Variants in LPP observed in about 807,000 individuals in gnomAD.
LPP encodes the protein lipoma-preferred partner.
In LPP, 38 loss-of-function variants were observed where a neutral mutation model predicts 60.4. The ratio of observed to expected loss-of-function variants is 0.63; its 90% CI spans 0.49 to 0.83. The LOEUF is 0.83. Ranked by LOEUF, LPP falls within the 40% of genes least tolerant of loss-of-function variation. The pLI is 0.00. For missense variants in LPP, 902 were observed against 783.6 expected (o/e 1.15, Z -1.80); for synonymous variants, 328 against 290.8 (o/e 1.13, Z -1.30).
chr3:188,564,027 T>G (rs950492199), intron 6 of LPP, among the ~76,000 whole-genome samples: 1 of 151,976 alleles, frequency 6.6e-6, no homozygotes, highest in Non-Finnish European at 1.5e-5. Context: ...TTCGCTGAGA[T>G]AGAATAAGGT....
chr3:188,772,323 T>A (rs1309986528), intron 9 of LPP, among the ~76,000 whole-genome samples: 1 of 152,136 alleles, frequency 6.6e-6, no homozygotes, highest in Admixed American at 6.5e-5. Context: ...CTTAACCAAC[T>A]AGATGTAACC....
intron 7 of LPP, among the ~76,000 whole-genome samples, chr3:188,670,625 T>A (rs1332889931): frequency 6.6e-6 from 1 of 152,176 alleles, no homozygotes; most frequent in South Asian, 2.1e-4. Flanking sequence ...TAAACTCACC[T>A]CCACGTTGGC....
Position 188,879,880 on chromosome 3 carries a change from T to A in LPP, c.*5401T>A, listed in dbSNP as rs1769726022. ...TTAGATCACAGACTACAGGCAGAATTTCCCTTCAATCCAGAAAAAAGGACA... is the reference window on the plus strand; with the variant it reads ...TTAGATCACAGACTACAGGCAGAATATCCCTTCAATCCAGAAAAAAGGACA... On this transcript the variant is annotated 3_prime_UTR_variant, in exon 12 of 12. Transcript: ENST00000617246. The A allele has an allele frequency of 5.5e-6, 1 of 181,868 alleles. No homozygotes were observed. The highest frequency in any genetic ancestry group is 1.2e-5 in the Non-Finnish European group (1 of 85,280). The allele number at this position is 181,868 out of a possible 1,614,324, so 11.3% of individuals were successfully genotyped here.
intron 3 of LPP, among the ~76,000 whole-genome samples, chr3:188,405,848 A>G (rs1172125290): frequency 2.0e-5 from 3 of 150,946 alleles, no homozygotes; most frequent in African/African-American, 7.3e-5. Context: ...TTCAAGTTTG[A>G]GGCAGTGTTC....
At chr3:188,356,224 G>A (rs1767571263) in intron 3 of LPP, among the ~76,000 whole-genome samples, 2 of 152,096 alleles carry the variant, frequency 1.3e-5, no homozygotes, top group Non-Finnish European at 2.9e-5. Context: ...CCTACTAAAA[G>A]GGCAGAGTCT....
intron 9 of LPP, among the ~76,000 whole-genome samples, chr3:188,812,924 C>T (rs1751467465): frequency 6.6e-6 from 1 of 151,748 alleles, no homozygotes; most frequent in Admixed American, 6.6e-5. Context: ...TAGCTTTTCT[C>T]CTTAAAAAGT....
At chr3:188,365,039 A>T (rs948631053) in intron 3 of LPP, among the ~76,000 whole-genome samples, 2 of 152,182 alleles carry the variant, frequency 1.3e-5, no homozygotes, top group African/African-American at 4.8e-5. Flanking sequence ...AGCACTAAAC[A>T]GAGGGCTAAT....
At position 188,374,965 on chromosome 3, in the gene LPP, C is replaced by T. The variant is rs527687449; in HGVS notation, c.-9-31147C>T. Among the ~76,000 whole-genome samples the T allele has an allele frequency of 3.7e-3, 562 of 152,230 alleles. 1 individual carries two copies. The highest frequency in any genetic ancestry group is 6.8e-3 in the Middle Eastern group (2 of 294). On this transcript the variant is annotated intron_variant, in intron 3 of 11. Coordinates refer to ENST00000617246, the MANE Select transcript of LPP (RefSeq NM_001375462.1). ...CCTTTTCTGCATCTATTGAGATAATCATGTGGTTTTTGTCTTTGGTTCTGT... is the reference window on the plus strand; with the variant it reads ...CCTTTTCTGCATCTATTGAGATAATTATGTGGTTTTTGTCTTTGGTTCTGT...
chr3:188,653,526 G>A (rs879783042), intron 7 of LPP, among the ~76,000 whole-genome samples: 1 of 151,972 alleles, frequency 6.6e-6, no homozygotes, highest in Admixed American at 6.6e-5. Context: ...AGAAACTCTT[G>A]GACTGAAGTC....
chr3:188,843,384 C>T (rs1231127163), intron 9 of LPP, among the ~76,000 whole-genome samples: 4 of 152,174 alleles, frequency 2.6e-5, no homozygotes, highest in Non-Finnish European at 5.9e-5. Flanking sequence ...GCTGGCTTGG[C>T]AGTGTAACTG....
intron 9 of LPP, among the ~76,000 whole-genome samples, chr3:188,801,869 G>A (rs575572694): frequency 2.0e-5 from 3 of 152,140 alleles, no homozygotes; most frequent in Non-Finnish European, 4.4e-5. Context: ...AGAATTGTGA[G>A]GAATTATCCA....
intron 2 of LPP, among the ~76,000 whole-genome samples, chr3:188,259,246 G>T (rs138474591): frequency 1.3e-5 from 2 of 152,146 alleles, no homozygotes; most frequent in Admixed American, 6.5e-5. Flanking sequence ...GGCTCCCAGA[G>T]TGCATCCAGA....
intron 5 of LPP, among the ~76,000 whole-genome samples, chr3:188,492,099 A>T (rs983146123): frequency 6.6e-6 from 1 of 152,180 alleles, no homozygotes; most frequent in Non-Finnish European, 1.5e-5. Flanking sequence ...GACAAAAAAA[A>T]GTCTTGTGGG....
At position 188,877,800 on chromosome 3, in the gene LPP, T is replaced by C; in HGVS notation, c.*3321T>C. The C allele has an allele frequency of 4.6e-6, 1 of 215,742 alleles. No individual in the cohort carries two copies. Among genetic ancestry groups the C allele is most frequent in the Middle Eastern group, 1.5e-3 (1 of 666 alleles). 13.4% of individuals were successfully genotyped at this position (215,742 alleles called of 1,614,324 possible). On this transcript the variant is annotated 3_prime_UTR_variant, in exon 12 of 12. Coordinates refer to ENST00000617246, the MANE Select transcript of LPP (RefSeq NM_001375462.1). ...AAGTCATGTGTCCCAGCATAAGGCATCAGGTTGTTAGATGCTGGCATCTCT... is the reference window on the plus strand; with the variant it reads ...AAGTCATGTGTCCCAGCATAAGGCACCAGGTTGTTAGATGCTGGCATCTCT...
chr3:188,450,253 A>C (rs1000302989), intron 4 of LPP, among the ~76,000 whole-genome samples: 1 of 152,228 alleles, frequency 6.6e-6, no homozygotes, highest in African/African-American at 2.4e-5. Flanking sequence ...TTTACAAATG[A>C]TACAAATATG....
At position 188,512,566 on chromosome 3, in the gene LPP, A is replaced by AATAAATAAATAC. The variant is rs1553917940; in HGVS notation, c.307-12088_307-12087insCATAAATAAATA. Among the ~76,000 whole-genome samples the AATAAATAAATAC allele has an allele frequency of 8.4e-3, 1,257 of 150,404 alleles. 15 individuals carry two copies. Among genetic ancestry groups the AATAAATAAATAC allele is most frequent in the African/African-American group, 0.029 (1,170 of 41,032 alleles). On this transcript the variant is annotated intron_variant, in intron 5 of 11. Transcript: ENST00000617246. ...AAGAGCAAAACCCGGTCTATAAATA[A>AATAAATAAATAC]ATAAATAAATAAATAAATAAATAAA... is the stretch of plus-strand genomic sequence containing the variant.
chr3:188,176,415 C>T (rs758542687), intron 1 of LPP, among the ~76,000 whole-genome samples: 12 of 152,074 alleles, frequency 7.9e-5, no homozygotes, highest in Non-Finnish European at 5.9e-5. Context: ...ACTGTCAGGT[C>T]AGGTAGAGTC....
At chr3:188,656,100 G>T (rs551572042) in intron 7 of LPP, among the ~76,000 whole-genome samples, 87 of 151,200 alleles carry the variant, frequency 5.8e-4, no homozygotes, top group African/African-American at 2.0e-3. Context: ...GCTGAGACAG[G>T]AGAATTGCTT....
Position 188,565,475 on chromosome 3 carries a change from C to T in LPP, c.429+40688C>T, listed in dbSNP as rs74555275. On this transcript the variant is annotated intron_variant, in intron 6 of 11. Transcript: ENST00000617246. ...TTTAGTTTTCATTCTGGTTTTAAAA[C>T]GGTTTATCTGTAAACCTGTAATTTA... Among the ~76,000 whole-genome samples, 725 of 152,018 alleles carry T rather than the reference C, an allele frequency of 4.8e-3. 5 individuals carry two copies. Among genetic ancestry groups the T allele is most frequent in the African/African-American group, 0.017 (689 of 41,508 alleles).
Sources: allele counts gnomAD v4.1 joint callset (sites outside exome capture counted in the v4.1 genomes callset), GRCh38; gene constraint gnomAD v4.1.1; transcripts MANE v1.5; gene names NCBI Gene and HGNC (gene_info 2026-07-23, HGNC 2026-07-21).